Variants in PIK3C2G observed in about 807,000 individuals in gnomAD.
PIK3C2G encodes the protein phosphatidylinositol-4-phosphate 3-kinase catalytic subunit type 2 gamma.
PIK3C2G carries 168 observed loss-of-function variants against 181.1 expected under a neutral mutation model. The ratio of observed to expected loss-of-function variants is 0.93; its 90% CI spans 0.82 to 1.05. The LOEUF is 1.05. PIK3C2G is among the 50% of genes least tolerant of loss of function. The pLI, the probability that PIK3C2G is intolerant of heterozygous loss-of-function variation, is 0.00. For synonymous variants in PIK3C2G, 573 were observed against 592.2 expected, an observed-to-expected ratio of 0.97 and a Z score of 0.47; for missense variants, 1,869 against 1,732.8, an observed-to-expected ratio of 1.08 and a Z score of -1.40.
At chr12:18,367,943 G>T (rs529119669) in intron 12 of PIK3C2G, among the ~76,000 whole-genome samples, 2 of 152,266 alleles carry the variant, frequency 1.3e-5, no homozygotes, top group Admixed American at 6.5e-5. Flanking sequence ...AATCATGGCA[G>T]AAGGGATAGG....
the PIK3C2G span, among the ~76,000 whole-genome samples, chr12:18,665,509 A>T: frequency 6.6e-6 from 1 of 152,190 alleles, no homozygotes; most frequent in African/African-American, 2.4e-5. Context: ...AACAATAATT[A>T]TGGCCAGGTG....
At chr12:18,603,556 T>G (rs1243911487) in intron 30 of PIK3C2G, among the ~76,000 whole-genome samples, 3 of 152,066 alleles carry the variant, frequency 2.0e-5, no homozygotes, top group Non-Finnish European at 2.9e-5. Context: ...GTTCTTCTCC[T>G]GAGCACATTG....
intron 25 of PIK3C2G, 144 bp from the exon 26 acceptor site, chr12:18,546,179 T>C (rs1944410581): frequency 1.7e-6 from 1 of 586,584 alleles, no homozygotes. Context: ...CACGAACTTA[T>C]ATGCATTCGT....
chr12:18,381,326 A>T (rs902909752), intron 13 of PIK3C2G, among the ~76,000 whole-genome samples: 9 of 152,038 alleles, frequency 5.9e-5, no homozygotes, highest in Admixed American at 2.6e-4. Flanking sequence ...ATAAATTTAG[A>T]ACTTGTATCT....
chr12:18,253,772 T>A (rs1018214106), intron 1 of PIK3C2G, among the ~76,000 whole-genome samples: 33 of 152,300 alleles, frequency 2.2e-4, no homozygotes, highest in Non-Finnish European at 4.0e-4. Context: ...ATGTTCTATA[T>A]TCTAATTATC....
chr12:18,356,382 A>G (rs1404630713), intron 11 of PIK3C2G, among the ~76,000 whole-genome samples: 4 of 152,088 alleles, frequency 2.6e-5, no homozygotes, highest in Admixed American at 2.6e-4. Flanking sequence ...GACTGGGTGT[A>G]CGGGCCAGGA....
chr12:18,714,788 A>C, the PIK3C2G span: 1 of 152,130 alleles, frequency 6.6e-6, no homozygotes, highest in South Asian at 2.1e-4. Flanking sequence ...TCTAGCAGGT[A>C]ACGGTCACAA....
chr12:18,698,139 C>T, the PIK3C2G span, among the ~76,000 whole-genome samples: 1 of 151,846 alleles, frequency 6.6e-6, no homozygotes, highest in Non-Finnish European at 1.5e-5. Flanking sequence ...CTCTCTTAAC[C>T]ACACCTTACA....
the PIK3C2G span, among the ~76,000 whole-genome samples, chr12:18,698,324 T>A: frequency 2.0e-5 from 3 of 152,024 alleles, no homozygotes; most frequent in Non-Finnish European, 4.4e-5. Flanking sequence ...TCCATTCTAC[T>A]CTATACTACT....
intron 28 of PIK3C2G, among the ~76,000 whole-genome samples, chr12:18,566,231 C>A (rs1215462857): frequency 2.0e-5 from 3 of 152,148 alleles, no homozygotes. Flanking sequence ...CCCCTCCAAG[C>A]ATGGTAGCCA....
At chr12:18,485,617 T>A (rs1010153000) in intron 18 of PIK3C2G, among the ~76,000 whole-genome samples, 1 of 152,112 alleles carries the variant, frequency 6.6e-6, no homozygotes, top group Non-Finnish European at 1.5e-5. Flanking sequence ...TAATACCAAA[T>A]TGAATCACAG....
intron 11 of PIK3C2G, among the ~76,000 whole-genome samples, chr12:18,354,263 T>C (rs1173656525): frequency 6.6e-6 from 1 of 152,222 alleles, no homozygotes; most frequent in Non-Finnish European, 1.5e-5. Flanking sequence ...ACCTGGACCT[T>C]ACTGGGGCCA....
At chr12:18,653,726 G>T in the PIK3C2G span, among the ~76,000 whole-genome samples, 20 of 152,232 alleles carry the variant, frequency 1.3e-4, no homozygotes, top group Middle Eastern at 3.4e-3. Flanking sequence ...ATAATTAAAG[G>T]AAAGACACTC....
intron 11 of PIK3C2G, among the ~76,000 whole-genome samples, chr12:18,357,765 T>C (rs1418240931): frequency 1.3e-5 from 2 of 152,228 alleles, no homozygotes; most frequent in African/African-American, 4.8e-5. Context: ...CTGGCATGGC[T>C]AAAATTCTTC....
At chr12:18,556,960 A>G (rs1945045123) in intron 26 of PIK3C2G, among the ~76,000 whole-genome samples, 1 of 152,148 alleles carries the variant, frequency 6.6e-6, no homozygotes. Flanking sequence ...ATGAAATTGA[A>G]GGGAAAATTA....
intron 1 of PIK3C2G, among the ~76,000 whole-genome samples, chr12:18,270,918 T>C (rs1195600072): frequency 6.6e-6 from 1 of 152,222 alleles, no homozygotes; most frequent in Non-Finnish European, 1.5e-5. Context: ...TCTCAATTTG[T>C]AAAATATACA....
chr12:18,594,560 G>A lies in PIK3C2G; in HGVS notation c.4078G>A (p.Val1360Met). Residue 1360 changes from valine (V) to methionine (M), a missense_variant, in exon 30 of 33, where the codon GTG becomes ATG. Transcript: ENST00000538779. ...VQQTVEESSP[V>M]YLGEKFPDKK... ...ACAAACAGTTGAAGAATCATCACCTGTGTACCTAGGTAAGTAAATTTGTCA... is the reference window on the plus strand; with the variant it reads ...ACAAACAGTTGAAGAATCATCACCTATGTACCTAGGTAAGTAAATTTGTCA... 3 of 1,516,786 alleles carry A rather than the reference G, an allele frequency of 2.0e-6. No individual in the cohort carries two copies. The highest frequency in any genetic ancestry group is 2.7e-6 in the Non-Finnish European group (3 of 1,129,292). 94.0% of individuals were successfully genotyped at this position (1,516,786 alleles called of 1,614,324 possible).
At chr12:18,587,030 T>A (rs1396054779) in intron 29 of PIK3C2G, among the ~76,000 whole-genome samples, 1 of 151,924 alleles carries the variant, frequency 6.6e-6, no homozygotes, top group East Asian at 1.9e-4. Flanking sequence ...AAAAACTCAA[T>A]AAACTAGATA....
intron 29 of PIK3C2G, among the ~76,000 whole-genome samples, chr12:18,568,260 C>G (rs973624329): frequency 1.3e-5 from 2 of 152,082 alleles, no homozygotes; most frequent in Non-Finnish European, 2.9e-5. Context: ...GGACACAGCT[C>G]TGATGGATCT....
Sources: allele counts gnomAD v4.1 joint callset (sites outside exome capture counted in the v4.1 genomes callset), GRCh38; gene constraint gnomAD v4.1.1; transcripts MANE v1.5; gene names NCBI Gene and HGNC (gene_info 2026-07-23, HGNC 2026-07-21).